Variants in IQCK observed in about 807,000 individuals in gnomAD.
The protein encoded by IQCK is IQ motif containing K.
In IQCK, 29 loss-of-function variants were observed where a neutral mutation model predicts 28.1. That is an observed-to-expected ratio of 1.03 (90% confidence interval 0.77 to 1.41). The LOEUF is 1.41. Among genes scored for constraint, IQCK ranks in the 40% most tolerant of loss-of-function variants. The pLI is 0.00. For synonymous variants in IQCK, 113 were observed against 115.1 expected, an observed-to-expected ratio of 0.98 and a Z score of 0.12; for missense variants, 359 against 314.7, an observed-to-expected ratio of 1.14 and a Z score of -1.07.
chr16:19,850,576 T>C (rs2056470109), intron 9 of IQCK, among the ~76,000 whole-genome samples: 1 of 152,190 alleles, frequency 6.6e-6, no homozygotes, highest in Non-Finnish European at 1.5e-5. Flanking sequence ...TTGTGGTCCA[T>C]AGCTGCGTGG....
At chr16:19,731,990 G>T (rs1323684002) in intron 2 of IQCK, among the ~76,000 whole-genome samples, 1 of 152,234 alleles carries the variant, frequency 6.6e-6, no homozygotes, top group African/African-American at 2.4e-5. Flanking sequence ...GAGAGCCCTG[G>T]AGTCTCAAAG....
intron 7 of IQCK, among the ~76,000 whole-genome samples, chr16:19,826,806 A>G (rs1026363369): frequency 4.6e-5 from 7 of 152,240 alleles, no homozygotes; most frequent in Non-Finnish European, 8.8e-5. Context: ...ACACCTATTC[A>G]TTCTTAACCT....
At chr16:19,811,264 C>G (rs748989868) in intron 7 of IQCK, among the ~76,000 whole-genome samples, 8 of 152,122 alleles carry the variant, frequency 5.3e-5, no homozygotes, top group Non-Finnish European at 1.0e-4. Context: ...GAGCGAGACC[C>G]TGTCTCAAAA....
At chr16:19,731,932 A>G (rs964012170) in intron 2 of IQCK, among the ~76,000 whole-genome samples, 1 of 152,172 alleles carries the variant, frequency 6.6e-6, no homozygotes, top group Non-Finnish European at 1.5e-5. Flanking sequence ...GTTACATGGA[A>G]ATCTAGCTGG....
exon 4 of IQCK, chr16:19,735,383 T>A: frequency 6.2e-7 from 1 of 1,614,086 alleles, no homozygotes; most frequent in Non-Finnish European, 8.5e-7. Context: ...GAAACTTTCA[T>A]CTTTCCTGTT....
intron 1 of IQCK, among the ~76,000 whole-genome samples, chr16:19,721,512 C>A (rs1046068959): frequency 6.6e-6 from 1 of 151,916 alleles, no homozygotes; most frequent in Admixed American, 6.6e-5. Flanking sequence ...CTAATCAAAT[C>A]TTATAGTAGT....
chr16:19,844,081 C>CTTT (rs760051580), intron 9 of IQCK, among the ~76,000 whole-genome samples: 2 of 136,336 alleles, frequency 1.5e-5, no homozygotes, highest in African/African-American at 5.4e-5. Context: ...CATATGCTTG[C>CTTT]TTTTTTTTTT....
At chr16:19,852,587 G>T (rs1330920201) in intron 9 of IQCK, among the ~76,000 whole-genome samples, 2 of 145,568 alleles carry the variant, frequency 1.4e-5, no homozygotes, top group Non-Finnish European at 3.0e-5. Flanking sequence ...CACACTATAT[G>T]TATTATTCCG....
At chr16:19,839,089 A>G (rs2056333775) in intron 9 of IQCK, among the ~76,000 whole-genome samples, 1 of 150,972 alleles carries the variant, frequency 6.6e-6, no homozygotes, top group Admixed American at 6.6e-5. Flanking sequence ...ACTGTGTCTC[A>G]GAGGTTAAAT....
At chr16:19,844,967 C>A (rs2056399694) in intron 9 of IQCK, among the ~76,000 whole-genome samples, 1 of 152,114 alleles carries the variant, frequency 6.6e-6, no homozygotes, top group Non-Finnish European at 1.5e-5. Flanking sequence ...CGTCACCATG[C>A]CTGACTAATT....
At chr16:19,745,697 TTTA>T (rs569020993) in intron 4 of IQCK, among the ~76,000 whole-genome samples, 61 of 152,242 alleles carry the variant, frequency 4.0e-4, no homozygotes, top group Admixed American at 1.4e-3. Flanking sequence ...AAAATAACGA[TTTA>T]TTATTTTTCA....
At chr16:19,808,184 T>G (rs2055857077) in intron 7 of IQCK, among the ~76,000 whole-genome samples, 1 of 152,186 alleles carries the variant, frequency 6.6e-6, no homozygotes, top group South Asian at 2.1e-4. Context: ...TTTGGGCTGC[T>G]TCGGGCCTGA....
chr16:19,842,796 T>G (rs773894687), intron 9 of IQCK, among the ~76,000 whole-genome samples: 8 of 152,250 alleles, frequency 5.3e-5, no homozygotes, highest in Non-Finnish European at 7.3e-5. Flanking sequence ...ATTTACCATC[T>G]TTTATTATAA....
chr16:19,750,938 G>T (rs940091490), intron 4 of IQCK, among the ~76,000 whole-genome samples: 7 of 152,176 alleles, frequency 4.6e-5, no homozygotes, highest in Non-Finnish European at 8.8e-5. Flanking sequence ...GAGTTGAATG[G>T]TAGGGGTGGT....
intron 4 of IQCK, among the ~76,000 whole-genome samples, chr16:19,738,558 A>G (rs1217815869): frequency 2.0e-5 from 3 of 152,184 alleles, no homozygotes; most frequent in Non-Finnish European, 2.9e-5. Flanking sequence ...AGGACAAGTC[A>G]TTTCATCTTT....
At chr16:19,809,194 A>C (rs1444198240) in intron 7 of IQCK, among the ~76,000 whole-genome samples, 1 of 152,240 alleles carries the variant, frequency 6.6e-6, no homozygotes. Flanking sequence ...GTTTCCCTCC[A>C]GGGCAAAGTT....
At chr16:19,732,352 A>T (rs1278775483) in intron 2 of IQCK, among the ~76,000 whole-genome samples, 1 of 152,122 alleles carries the variant, frequency 6.6e-6, no homozygotes, top group Non-Finnish European at 1.5e-5. Context: ...GGTCTCTTCT[A>T]TGAATAGCAA....
intron 4 of IQCK, among the ~76,000 whole-genome samples, chr16:19,747,763 G>GT (rs1422434599): frequency 9.2e-5 from 14 of 152,216 alleles, no homozygotes; most frequent in Admixed American, 9.2e-4. Context: ...TGTCTGGCTT[G>GT]TTTCACTTAA....
intron 6 of IQCK, among the ~76,000 whole-genome samples, chr16:19,782,508 A>G (rs1050380538): frequency 5.9e-5 from 9 of 152,086 alleles, no homozygotes; most frequent in Non-Finnish European, 1.3e-4. Flanking sequence ...TGTACCTGTA[A>G]TCTCTGCTGT....
Sources: gnomAD v4.1 joint callset for allele counts (sites outside exome capture counted in the v4.1 genomes callset) on GRCh38, gnomAD v4.1.1 for gene constraint, MANE v1.5 for transcripts, NCBI Gene and HGNC (gene_info 2026-07-23, HGNC 2026-07-21) for gene names.